Variants in KIF15 observed in about 807,000 individuals in gnomAD.
KIF15 encodes kinesin-like protein KIF15.
A neutral mutation model predicts 190.6 loss-of-function variants in KIF15; 140 were observed. The ratio of observed to expected loss-of-function variants is 0.73; its 90% confidence interval spans 0.64 to 0.84. The LOEUF is 0.84. KIF15 is among the 40% of genes least tolerant of loss of function. The probability of loss-of-function intolerance (pLI) is 0.00; values close to 1 mark genes in which losing one functional copy is unlikely to be tolerated. For synonymous variants in KIF15, 528 were observed against 551.3 expected, an observed-to-expected ratio of 0.96 and a Z score of 0.59; for missense variants, 1,372 against 1,584.4, an observed-to-expected ratio of 0.87 and a Z score of 2.28.
intron 1 of KIF15, among the ~76,000 whole-genome samples, chr3:44,763,569 G>A (rs1204505736): frequency 6.6e-6 from 1 of 152,056 alleles, no homozygotes; most frequent in African/African-American, 2.4e-5. Flanking sequence ...CAAAGTGCTG[G>A]GATTACAGGC....
At chr3:44,823,306 C>T (rs1395662690) in intron 20 of KIF15, among the ~76,000 whole-genome samples, 2 of 152,190 alleles carry the variant, frequency 1.3e-5, no homozygotes, top group Non-Finnish European at 2.9e-5. Flanking sequence ...AGGCTCACTC[C>T]AGACCCTGTT....
downstream of KIF15, among the ~76,000 whole-genome samples, chr3:44,855,346 A>C (rs1367760868): frequency 6.6e-6 from 1 of 152,230 alleles, no homozygotes; most frequent in Non-Finnish European, 1.5e-5. Flanking sequence ...GGGCAGAAAC[A>C]AATCACAATG....
At chr3:44,842,642 G>A (rs970780081) in intron 29 of KIF15, among the ~76,000 whole-genome samples, 1 of 152,154 alleles carries the variant, frequency 6.6e-6, no homozygotes, top group Admixed American at 6.5e-5. Context: ...CAGGTGAAAC[G>A]AAATCAGATA....
chr3:44,800,417 C>G lies in KIF15; in HGVS notation c.1202C>G (p.Pro401Arg). 1 of 1,614,048 alleles carries G rather than the reference C, an allele frequency of 6.2e-7. No individual in the cohort carries two copies. Among genetic ancestry groups the G allele is most frequent in the Non-Finnish European group, 8.5e-7 (1 of 1,179,986 alleles). The change falls in exon 11 of 35, where the codon CCA (proline) becomes CGA (arginine). Residue 401 changes from proline (P) to arginine (R), a missense_variant. Coordinates refer to ENST00000326047, the MANE Select transcript of KIF15 (RefSeq NM_020242.3). ...LAELASGQTPPESFLTRDKKK... is the reference protein window; with the variant it reads ...LAELASGQTPRESFLTRDKKK... The stretch of plus-strand genomic sequence containing the variant: ...GAGCTTGCTTCAGGACAGACACCAC[C>G]AGAAAGCTTCCTGACCAGAGGTAGG...
At chr3:44,827,141 T>C in intron 22 of KIF15, 2 of 421,686 alleles carry the variant, frequency 4.7e-6, no homozygotes, top group South Asian at 3.6e-5. Context: ...GTTGAAACAG[T>C]GAACAAAACA....
chr3:44,805,150 A>C lies in KIF15; in HGVS notation c.1811A>C (p.Glu604Ala). ...AATAATTCAAAGCAAGAATATGAAG[A>C]ATTCAAAGAACTTACTAGGTAAAGT... Reference protein sequence around the residue: ...ELNNSKQEYEEFKELTRKRQL... With the variant: ...ELNNSKQEYEAFKELTRKRQL... Residue 604 changes from glutamate to alanine, a missense_variant, in exon 15 of 35, where the codon GAA becomes GCA. Transcript: ENST00000326047. 3.1e-6 allele frequency: 5 copies of C among 1,611,536 alleles called. No individual in the cohort carries two copies. Among genetic ancestry groups the C allele is most frequent in the Non-Finnish European group, 4.2e-6 (5 of 1,179,346 alleles).
chr3:44,805,196 A>G (rs1707440243), intron 15 of KIF15, 28 bp downstream of exon 15: 1 of 1,576,684 alleles, frequency 6.3e-7, no homozygotes, highest in African/African-American at 1.4e-5. Flanking sequence ...ATGCATGCAC[A>G]CTTATTTTCT....
rs1396743399 is a variant in KIF15, at chr3:44,830,932, A to G, written c.3085A>G (p.Ser1029Gly). 1.2e-6 allele frequency: 2 copies of G among 1,613,956 alleles called. No individual in the cohort carries two copies. The highest frequency in any genetic ancestry group is 2.7e-5 in the African/African-American group (2 of 74,916). The change falls in exon 26 of 35, where the codon AGC becomes GGC. Residue 1029 changes from serine to glycine, a missense_variant. Coordinates refer to ENST00000326047, the MANE Select transcript of KIF15 (RefSeq NM_020242.3). ...YNSALVDREE[S>G]RVLIKKQEVD... is the part of the protein sequence containing the mutation. The stretch of plus-strand genomic sequence containing the variant: ...CTCTGCTTTGGTTGACAGAGAAGAG[A>G]GCAGAGTGTTGATCAAGAAGCAGGA...
chr3:44,786,212 T>C (rs1706398151), intron 6 of KIF15, among the ~76,000 whole-genome samples, 183 bp from the exon 7 acceptor site: 2 of 152,166 alleles, frequency 1.3e-5, no homozygotes, highest in Non-Finnish European at 1.5e-5. Flanking sequence ...TGAGACTCCA[T>C]CTCAAACAAA....
downstream of KIF15, among the ~76,000 whole-genome samples, chr3:44,854,244 G>T (rs1220369084): frequency 6.6e-6 from 1 of 152,090 alleles, no homozygotes; most frequent in African/African-American, 2.4e-5. Flanking sequence ...AATTAGCTGG[G>T]TGTGGTGGCG....
chr3:44,778,598 A>C (rs1230850695), intron 4 of KIF15, among the ~76,000 whole-genome samples: 2 of 152,194 alleles, frequency 1.3e-5, no homozygotes, highest in African/African-American at 4.8e-5. Flanking sequence ...CCTGGCTATC[A>C]AGGTAGCAGG....
chr3:44,848,638 A>G (rs951322623), intron 32 of KIF15, 80 bp downstream of exon 32: 5 of 628,998 alleles, frequency 7.9e-6, no homozygotes, highest in Non-Finnish European at 1.3e-5. Flanking sequence ...ACCACAAGGT[A>G]GGTAACTTCT....
chr3:44,765,565 T>C (rs1237457324), intron 1 of KIF15, among the ~76,000 whole-genome samples: 2 of 152,228 alleles, frequency 1.3e-5, no homozygotes, highest in Admixed American at 6.5e-5. Context: ...CAGTAATTGT[T>C]AGCTGATTGC....
chr3:44,776,276 T>C (rs1413579622), intron 3 of KIF15, among the ~76,000 whole-genome samples: 2 of 151,222 alleles, frequency 1.3e-5, no homozygotes, highest in Non-Finnish European at 3.0e-5. Context: ...GATAGGAAAT[T>C]ATGGGCGTAG....
At chr3:44,826,526 G>GTTTT in intron 22 of KIF15, 66 bp downstream of exon 22, 1 of 935,070 alleles carries the variant, frequency 1.1e-6, no homozygotes. Flanking sequence ...TCTTAATCTT[G>GTTTT]TTTTTTTTTT....
downstream of KIF15, among the ~76,000 whole-genome samples, chr3:44,855,483 T>C (rs151008042): frequency 0.019 from 2,837 of 152,288 alleles, 75 homozygotes; most frequent in African/African-American, 0.064. Flanking sequence ...AGGCCTGACG[T>C]TCCTGTCTTC....
intron 24 of KIF15, among the ~76,000 whole-genome samples, chr3:44,828,962 G>A (rs1299621140): frequency 6.6e-6 from 1 of 151,898 alleles, no homozygotes; most frequent in Non-Finnish European, 1.5e-5. Flanking sequence ...GCTTGAACCT[G>A]GGAGGTGGAG....
At position 44,805,100 on chromosome 3, in the gene KIF15, A is replaced by G; in HGVS notation, c.1761A>G (p.Gln587=). Reference sequence around the variant, plus strand: ...CAAACACTGAGAAGTTAAAAGCACAACTCCTGCAAATTCAGACAGAGCTGA... The same window carrying G: ...CAAACACTGAGAAGTTAAAAGCACAGCTCCTGCAAATTCAGACAGAGCTGA... The part of the protein sequence containing the change: ...LFANTEKLKA[Q]LLQIQTELNN... The change falls in exon 15 of 35, where the codon CAA becomes CAG. Residue 587 remains glutamine (Q), a synonymous_variant. Coordinates refer to ENST00000326047, the MANE Select transcript of KIF15 (RefSeq NM_020242.3). 6.2e-7 allele frequency: 1 copy of G among 1,613,974 alleles called. No homozygotes were observed. The highest frequency in any genetic ancestry group is 8.5e-7 in the Non-Finnish European group (1 of 1,179,922).
At chr3:44,840,511 A>C in intron 28 of KIF15, 55 bp downstream of exon 28, 1 of 1,272,360 alleles carries the variant, frequency 7.9e-7, no homozygotes, top group South Asian at 1.3e-5. Flanking sequence ...GTAAATGATA[A>C]AAATTTGGAA....
Sources: gnomAD v4.1 joint callset for allele counts (sites outside exome capture counted in the v4.1 genomes callset) on GRCh38, gnomAD v4.1.1 for gene constraint, MANE v1.5 for transcripts, NCBI Gene and HGNC (gene_info 2026-07-23, HGNC 2026-07-21) for gene names.